The following PLD5 variants were observed in gnomAD, a reference collection of about 807,000 sequenced individuals.
PLD5 encodes the protein phospholipase D family member 5.
PLD5 carries 36 observed loss-of-function variants against 61.1 expected under a neutral mutation model. The ratio of observed to expected loss-of-function variants is 0.59; its 90% confidence interval spans 0.45 to 0.78. PLD5 has a LOEUF of 0.78. PLD5 is among the 30% of genes least tolerant of loss of function. The pLI, the probability that PLD5 is intolerant of heterozygous loss-of-function variation, is 0.00. For synonymous variants in PLD5, 243 were observed against 242.8 expected, an observed-to-expected ratio of 1.00 and a Z score of -0.01; for missense variants, 515 against 644.4, an observed-to-expected ratio of 0.80 and a Z score of 2.17.
At chr1:242,311,473 G>A (rs1335846860) in intron 2 of PLD5, among the ~76,000 whole-genome samples, 6 of 152,214 alleles carry the variant, frequency 3.9e-5, no homozygotes, top group Admixed American at 3.9e-4. Context: ...TAGGCCCAGG[G>A]ACCACACTTT....
chr1:242,375,868 G>C (rs900642198), intron 1 of PLD5, among the ~76,000 whole-genome samples: 8 of 152,100 alleles, frequency 5.3e-5, no homozygotes, highest in African/African-American at 1.9e-4. Context: ...TTGATAAGTC[G>C]GTGGTTGAAG....
chr1:242,257,038 T>TTCTGTCTATCTA (rs1553337390), intron 4 of PLD5, among the ~76,000 whole-genome samples: 1 of 142,292 alleles, frequency 7.0e-6, no homozygotes, highest in Non-Finnish European at 1.5e-5. Context: ...CCTACCTACC[T>TTCTGTCTATCTA]TCTATCTATC....
chr1:242,513,026 C>A (rs775041851), intron 1 of PLD5, among the ~76,000 whole-genome samples: 8 of 152,024 alleles, frequency 5.3e-5, no homozygotes, highest in Non-Finnish European at 1.0e-4. Flanking sequence ...CATATAGACA[C>A]GTGCTACCAC....
chr1:242,157,994 A>G (rs925069661), intron 5 of PLD5, among the ~76,000 whole-genome samples: 1 of 149,218 alleles, frequency 6.7e-6, no homozygotes, highest in Admixed American at 6.6e-5. Context: ...CCTTTTTTTC[A>G]GAGATGCCCT....
In PLD5 at chr1:242,296,204, GAA is replaced by G. The variant is rs71570953; in HGVS notation, c.327-7676_327-7675del. 5.9e-3 allele frequency among the ~76,000 whole-genome samples: 901 copies of G among 152,232 alleles called. 9 individuals are homozygous for G. The highest frequency in any genetic ancestry group is 8.1e-3 in the South Asian group (39 of 4,812). On this transcript the variant is annotated intron_variant, in intron 2 of 9. Transcript: ENST00000536534. The stretch of plus-strand genomic sequence containing the variant: ...GTTGGTTGCTGATATGTCTCCTTTT[GAA>G]AAGTGTCTGTTCACGTACTTTGACC...
chr1:242,169,419 C>T (rs1666575762), intron 5 of PLD5, among the ~76,000 whole-genome samples: 1 of 152,168 alleles, frequency 6.6e-6, no homozygotes, highest in African/African-American at 2.4e-5. Flanking sequence ...TGACACTGCA[C>T]TTTTCCCATG....
intron 4 of PLD5, among the ~76,000 whole-genome samples, chr1:242,260,680 A>G (rs905639280): frequency 2.0e-5 from 3 of 152,244 alleles, no homozygotes; most frequent in Non-Finnish European, 4.4e-5. Context: ...CTTTCTAAAA[A>G]TACCAAATGA....
intron 5 of PLD5, among the ~76,000 whole-genome samples, chr1:242,149,664 T>TACACACACAC (rs201893348): frequency 5.1e-5 from 7 of 137,942 alleles, no homozygotes; most frequent in Non-Finnish European, 6.2e-5. Flanking sequence ...TTAAGTTTTA[T>TACACACACAC]ACACATACAC....
intron 1 of PLD5, among the ~76,000 whole-genome samples, chr1:242,522,551 G>T (rs1426074127): frequency 1.3e-5 from 2 of 152,210 alleles, no homozygotes; most frequent in African/African-American, 2.4e-5. Flanking sequence ...AACTGCAAAA[G>T]AACATACATT....
intron 8 of PLD5, among the ~76,000 whole-genome samples, chr1:242,107,105 T>C (rs890610690): frequency 6.6e-6 from 1 of 152,094 alleles, no homozygotes; most frequent in African/African-American, 2.4e-5. Flanking sequence ...GGGGGGTCTG[T>C]GTGCTGCTGC....
Position 242,311,628 on chromosome 1 carries a change from C to T in PLD5, c.327-23098G>A, listed in dbSNP as rs183517169. Among the ~76,000 whole-genome samples, 226 of 152,340 alleles carry T rather than the reference C, an allele frequency of 1.5e-3. 1 individual carries two copies. Among genetic ancestry groups the T allele is most frequent in the African/African-American group, 5.2e-3 (216 of 41,582 alleles). On this transcript the variant is annotated intron_variant, in intron 2 of 9. Coordinates refer to ENST00000536534, the MANE Select transcript of PLD5 (RefSeq NM_001372062.1). The stretch of plus-strand genomic sequence containing the variant: ...GTTATTGAGGATCCTTTGTACGTGG[C>T]AGGCTACTTTACTGCTTTCAAGATT...
chr1:242,138,083 T>C (rs1031820300), intron 5 of PLD5, among the ~76,000 whole-genome samples: 3 of 152,160 alleles, frequency 2.0e-5, no homozygotes, highest in East Asian at 3.9e-4. Flanking sequence ...AATGATAATT[T>C]TGCCAATCTT....
At chr1:242,480,374 A>T (rs535629224) in intron 1 of PLD5, among the ~76,000 whole-genome samples, 1 of 152,356 alleles carries the variant, frequency 6.6e-6, no homozygotes, top group East Asian at 1.9e-4. Context: ...TGAATTACAG[A>T]CTTCAATCGA....
chr1:242,235,031 T>C (rs1472477341), intron 4 of PLD5, among the ~76,000 whole-genome samples: 1 of 152,218 alleles, frequency 6.6e-6, no homozygotes, highest in Non-Finnish European at 1.5e-5. Context: ...AAGTATGTTA[T>C]AGAGTTTCGT....
chr1:242,444,784 C>T (rs541968377), intron 1 of PLD5, among the ~76,000 whole-genome samples: 35 of 17,152 alleles, frequency 2.0e-3, no homozygotes, highest in Middle Eastern at 0.071. Flanking sequence ...TAGGACACAC[C>T]ACATTGTCAC....
chr1:242,424,473 T>C (rs1665309105), intron 1 of PLD5, among the ~76,000 whole-genome samples: 1 of 152,130 alleles, frequency 6.6e-6, no homozygotes, highest in Non-Finnish European at 1.5e-5. Context: ...AAATTTCATA[T>C]GTGTAAAACT....
intron 5 of PLD5, among the ~76,000 whole-genome samples, chr1:242,186,267 C>T (rs1667877406): frequency 6.6e-6 from 1 of 151,994 alleles, no homozygotes; most frequent in South Asian, 2.1e-4. Context: ...ACTGCAACCT[C>T]CACCTCCCGG....
chr1:242,235,514 G>C (rs1177447859), intron 4 of PLD5: 1 of 152,198 alleles, frequency 6.6e-6, no homozygotes, highest in Non-Finnish European at 1.5e-5. Flanking sequence ...AATGCTCCTG[G>C]GCCATGGAAA....
chr1:242,529,198 T>C (rs965669926), upstream of PLD5, among the ~76,000 whole-genome samples: 5 of 152,228 alleles, frequency 3.3e-5, no homozygotes, highest in African/African-American at 1.2e-4. Flanking sequence ...TTCTGAAGAA[T>C]ACATAAGCAT....
Sources: allele counts gnomAD v4.1 joint callset (sites outside exome capture counted in the v4.1 genomes callset), GRCh38; gene constraint gnomAD v4.1.1; transcripts MANE v1.5; gene names NCBI Gene and HGNC (gene_info 2026-07-23, HGNC 2026-07-21).